DCTN1: variants seen among roughly 807,000 people sequenced by gnomAD.
DCTN1 encodes 150 kDa dynein-associated polypeptide.
DCTN1 carries 61 observed loss-of-function variants against 161.2 expected under a neutral mutation model. That is an observed-to-expected ratio of 0.38 (90% CI 0.31 to 0.47). DCTN1 has a LOEUF of 0.47. Among genes scored for constraint, DCTN1 ranks in the 20% least tolerant of loss-of-function variants. The pLI, the probability that DCTN1 is intolerant of heterozygous loss-of-function variation, is 0.99. For synonymous variants in DCTN1, 653 were observed against 632.4 expected, an observed-to-expected ratio of 1.03 and a Z score of -0.49; for missense variants, 1,404 against 1,623.7, an observed-to-expected ratio of 0.86 and a Z score of 2.33.
At chr2:74,374,172 A>G in intron 6 of DCTN1, 151 bp downstream of exon 6, 1 of 768,300 alleles carries the variant, frequency 1.3e-6, no homozygotes. Context: ...CATAGTGGTG[A>G]CACACACCTC....
chr2:74,389,742 C>CGT (rs1398682314), intron 1 of DCTN1, among the ~76,000 whole-genome samples: 1 of 152,158 alleles, frequency 6.6e-6, no homozygotes, highest in East Asian at 1.9e-4. Context: ...TACAAAACAG[C>CGT]ATAACAGCTG....
At chr2:74,362,406 G>A (rs114798160) in intron 30 of DCTN1, among the ~76,000 whole-genome samples, 5 of 152,234 alleles carry the variant, frequency 3.3e-5, no homozygotes, top group South Asian at 2.1e-4. Context: ...TGATCTCAGC[G>A]CTGATGGAAG....
rs185651077 is a variant in DCTN1, at chr2:74,375,092, A to T, written c.415-752T>A. 4.7e-4 allele frequency among the ~76,000 whole-genome samples: 71 copies of T among 151,636 alleles called. No individual in the cohort carries two copies. In the East Asian group the frequency reaches 0.013, roughly 29 times the overall value. On this transcript the variant is annotated intron_variant, in intron 5 of 31. Coordinates refer to ENST00000628224, the MANE Select transcript of DCTN1 (RefSeq NM_004082.5). ...CCTTACAGTCTCTCATCTGGCACAC[A>T]CATCTAGAGTGCCCCTCCAGCAACA...
chr2:74,383,301 T>C (rs1027696874), upstream of DCTN1, among the ~76,000 whole-genome samples: 4 of 152,222 alleles, frequency 2.6e-5, no homozygotes, highest in African/African-American at 9.6e-5. Flanking sequence ...TTCCTCTTTA[T>C]GATCCAATAG....
chr2:74,367,354 T>C lies in DCTN1; in HGVS notation c.2251A>G (p.Lys751Glu), dbSNP rs1389064326. The change falls in exon 19 of 32, where the codon AAG (lysine) becomes GAG (glutamate). Residue 751 changes from lysine to glutamate, a missense_variant and splice_region_variant. Lys to Glu is a moderately conservative substitution (Grantham distance 56). Coordinates refer to ENST00000628224, the MANE Select transcript of DCTN1 (RefSeq NM_004082.5). ...AATCACTGGCCCAGATACTTCACCT[T>C]AATGTGGTCAGCCAGCTGCATAGTA... is the stretch of plus-strand genomic sequence containing the variant. The part of the protein sequence containing the change: ...DCTMQLADHI[K>E]FTQSALDCMS... 6.2e-7 allele frequency: 1 copy of C among 1,614,176 alleles called. No individual in the cohort carries two copies. Among genetic ancestry groups the C allele is most frequent in the East Asian group, 2.2e-5 (1 of 44,884 alleles).
intron 6 of DCTN1, chr2:74,373,317 A>T (rs1675007659): frequency 5.8e-6 from 2 of 347,812 alleles, no homozygotes; most frequent in Non-Finnish European, 1.1e-5. Context: ...CTCCAACTCC[A>T]GTCCAGAGCC....
Position 74,380,049 on chromosome 2 carries a change from G to A in DCTN1, c.-12C>T, listed in dbSNP as rs760135934. 3.1e-6 allele frequency: 5 copies of A among 1,613,976 alleles called. No individual in the cohort carries two copies. The highest frequency in any genetic ancestry group is 4.5e-5 in the East Asian group (2 of 44,882). The stretch of plus-strand genomic sequence containing the variant: ...TTGCTCTGTGCCATGTTGCTCACCC[G>A]GCCTCTACCCCCTCCCCCAGCTGGC... On this transcript the variant is annotated 5_prime_UTR_variant, in exon 1 of 32. Coordinates refer to ENST00000628224, the MANE Select transcript of DCTN1 (RefSeq NM_004082.5).
At chr2:74,379,876 G>A (rs763546381) in intron 1 of DCTN1, 129 bp downstream of exon 1, 254 of 974,384 alleles carry the variant, frequency 2.6e-4, no homozygotes, top group Non-Finnish European at 3.8e-4. Context: ...GGGCTCCTTA[G>A]AAAACACAGT....
chr2:74,370,612 GCCCCTTA>G lies in DCTN1; in HGVS notation c.1048+2_1048+8del. ...ACCGTTTGGCCCCCAGCAGCTGTGG[GCCCCTTA>G]CCCTTCTCTTCAATCTCAGCCTTGA... On this transcript the variant is annotated splice_donor_variant and splice_donor_5th_base_variant and intron_variant, in intron 10 of 31. Coordinates refer to ENST00000628224, the MANE Select transcript of DCTN1 (RefSeq NM_004082.5). LOFTEE classifies it high-confidence loss of function. This position sits in a 1 kb window ranked among gnomAD's most constrained non-coding sequence, Gnocchi z 4.4. 6.2e-7 allele frequency: 1 copy of G among 1,614,060 alleles called. No individual in the cohort carries two copies. Among genetic ancestry groups the G allele is most frequent in the Non-Finnish European group, 8.5e-7 (1 of 1,180,036 alleles).
At chr2:74,381,991 C>CT (rs936766666), upstream of DCTN1, among the ~76,000 whole-genome samples, 3 of 152,194 alleles carry the variant, frequency 2.0e-5, no homozygotes, top group Non-Finnish European at 4.4e-5. Flanking sequence ...AGCAACTTCC[C>CT]TGAAGACACA....
intron 1 of DCTN1, among the ~76,000 whole-genome samples, chr2:74,388,619 T>C (rs1312575090): frequency 6.6e-6 from 1 of 152,240 alleles, no homozygotes; most frequent in Non-Finnish European, 1.5e-5. Flanking sequence ...CCCTCCTCTG[T>C]GCTCACAGAG....
At position 74,372,947 on chromosome 2, in the gene DCTN1, G is replaced by A. The variant is rs1017487221; in HGVS notation, c.434C>T (p.Thr145Ile). The change falls in exon 7 of 32, where the codon ACC becomes ATC. Residue 145 changes from threonine to isoleucine, a missense_variant and splice_region_variant. Transcript: ENST00000628224. The stretch of plus-strand genomic sequence containing the variant: ...TCTCACCTTGGGTCGCCGAGTTGTG[G>A]TCTGGACAGGCAACAGGAGCCAGAA... ...KPKKAPTARK[T>I]TTRRPKPTRP... 8 of 1,614,056 alleles carry A rather than the reference G, an allele frequency of 5.0e-6. No individual in the cohort carries two copies. The highest frequency in any genetic ancestry group is 5.9e-6 in the Non-Finnish European group (7 of 1,179,986).
intron 26 of DCTN1, 125 bp downstream of exon 26, chr2:74,364,950 G>A: frequency 8.2e-7 from 1 of 1,222,870 alleles, no homozygotes; most frequent in Non-Finnish European, 1.2e-6. Flanking sequence ...GAGTGAAACT[G>A]TGTAAGCATG....
upstream of DCTN1, among the ~76,000 whole-genome samples, chr2:74,381,604 G>A (rs1185162449): frequency 1.3e-5 from 2 of 152,108 alleles, no homozygotes; most frequent in Admixed American, 6.5e-5. Context: ...TCACATGTTC[G>A]GAGCACTTTA....
At chr2:74,366,735 T>C in intron 21 of DCTN1, 48 bp downstream of exon 21, 1 of 1,614,246 alleles carries the variant, frequency 6.2e-7, no homozygotes, top group Non-Finnish European at 8.5e-7. Context: ...GCTATACCCT[T>C]CATGTTTCTA....
chr2:74,365,925 T>A lies in DCTN1; in HGVS notation c.2854A>T (p.Ile952Phe). 3 of 1,614,246 alleles carry A rather than the reference T, an allele frequency of 1.9e-6. No homozygotes were observed. The highest frequency in any genetic ancestry group is 2.5e-6 in the Non-Finnish European group (3 of 1,180,046). The change falls in exon 24 of 32, where the codon ATT becomes TTT. Residue 952 changes from isoleucine to phenylalanine, a missense_variant. By Grantham distance (21) the Ile-to-Phe change is conservative. This residue lies in a region of DCTN1 where 475 missense variants were observed against 489.8 expected (regional missense o/e 0.97). Transcript: ENST00000628224. ...TTGAGTGACTTCTTCAACTCCTTAA[T>A]AACTGTCTCTCGATCTTCGAGCTTC... ...GLKLEDRETV[I>F]KELKKSLKIK...
At chr2:74,379,744 C>A (rs943310684) in intron 1 of DCTN1, among the ~76,000 whole-genome samples, 10 of 152,160 alleles carry the variant, frequency 6.6e-5, no homozygotes, top group African/African-American at 2.4e-4. Flanking sequence ...ATAGTCTGGA[C>A]CCCCTCAGGA....
chr2:74,366,171 C>T, intron 23 of DCTN1, 73 bp downstream of exon 23: 1 of 1,612,206 alleles, frequency 6.2e-7, no homozygotes, highest in South Asian at 1.1e-5. Flanking sequence ...CCCGTCCTCC[C>T]ACAACTAGCA....
At chr2:74,375,735 A>G (rs1399968931) in intron 5 of DCTN1, among the ~76,000 whole-genome samples, 1 of 152,152 alleles carries the variant, frequency 6.6e-6, no homozygotes, top group Non-Finnish European at 1.5e-5. Flanking sequence ...CCTTCACAGC[A>G]TTATTTTCCT....
Sources: gnomAD v4.1 joint callset for allele counts (sites outside exome capture counted in the v4.1 genomes callset) on GRCh38, gnomAD v4.1.1 for gene constraint, gnomAD v4.1.1 regional missense constraint, Gnocchi (gnomAD v3.1) non-coding constraint, MANE v1.5 for transcripts, NCBI Gene and HGNC (gene_info 2026-07-23, HGNC 2026-07-21) for gene names.